DMD: variants seen among roughly 807,000 people sequenced by gnomAD.
DMD encodes mutant dystrophin.
Under a neutral mutation model 330.1 loss-of-function variants are expected in DMD, and 63 were observed. The observed-to-expected ratio is 0.19, with a 90% CI of 0.16 to 0.24. The LOEUF (loss-of-function observed/expected upper bound fraction) is 0.24. Ranked by LOEUF, DMD falls within the 10% of genes least tolerant of loss-of-function variation. The probability of loss-of-function intolerance (pLI) is 1.00; values close to 1 mark genes in which losing one functional copy is unlikely to be tolerated. For synonymous variants in DMD, 1,223 were observed against 959.8 expected, an observed-to-expected ratio of 1.27 and a Z score of -5.07; for missense variants, 3,344 against 2,684.1, an observed-to-expected ratio of 1.25 and a Z score of -5.43.
intron 39 of DMD, among the ~76,000 whole-genome samples, chrX:32,345,462 C>T (rs1603631305): frequency 1.8e-5 from 2 of 110,943 alleles, no homozygotes; most frequent in East Asian, 5.7e-4. Context: ...CAAAGAGTGA[C>T]TTTCTTAAAG....
At chrX:32,638,977 C>A (rs923493862) in intron 11 of DMD, among the ~76,000 whole-genome samples, 1 of 111,545 alleles carries the variant, frequency 9.0e-6, no homozygotes, top group Admixed American at 9.5e-5. Context: ...CAATTATTTT[C>A]CATATTATGG....
rs184276003 is a variant in DMD, at chrX:33,336,827, C to T, written c.7+2432G>A. ...AAGCAATTGGGATTTGAAGACTTCA[C>T]GTGGTCTCATCACTCTGCAGGCTGA... On this transcript the variant is annotated intron_variant, in intron 1 of 17. Transcript: ENST00000288447. 3.6e-5 allele frequency among the ~76,000 whole-genome samples: 4 copies of T among 111,621 alleles called. No individual in the cohort carries two copies. The East Asian group carries it at 8.5e-4, about 24-fold the overall frequency.
At chrX:32,238,476 A>G (rs2097196380) in intron 43 of DMD, among the ~76,000 whole-genome samples, 1 of 110,201 alleles carries the variant, frequency 9.1e-6, no homozygotes, top group Admixed American at 9.8e-5. Context: ...AGAGAGAGAA[A>G]GAGAGACACA....
rs1302015325 is a variant in DMD at position 31,214,930 on chromosome X, C to CT, written c.9362-5232dup. Among the ~76,000 whole-genome samples, 231 of 46,104 alleles carry CT rather than the reference C, an allele frequency of 5.0e-3. 7 individuals are homozygous for CT. The highest frequency in any genetic ancestry group is 6.9e-3 in the African/African-American group (83 of 12,116). The allele number at this position is 46,104 out of a possible 115,157, so 40.0% of individuals were successfully genotyped here. The stretch of plus-strand genomic sequence containing the variant: ...AACCACCAAAGATACTTTTTTATTT[C>CT]TTTTTTCTTTTTTTTTTTTTTTTTT... On this transcript the variant is annotated intron_variant, in intron 64 of 78. Transcript: ENST00000357033.
intron 9 of DMD, among the ~76,000 whole-genome samples, chrX:32,664,273 G>T (rs1055881831): frequency 4.4e-5 from 4 of 90,675 alleles, no homozygotes; most frequent in South Asian, 5.9e-4. Flanking sequence ...ATGGAGTCTC[G>T]CTCTGTCACC....
At chrX:32,471,481 T>A (rs1196219151) in intron 22 of DMD, among the ~76,000 whole-genome samples, 1 of 111,937 alleles carries the variant, frequency 8.9e-6, no homozygotes, top group Non-Finnish European at 1.9e-5. Context: ...ATTTGTGGAT[T>A]CTGAATGAGT....
At chrX:32,298,514 C>CATATATATATATATATATATAT (rs57786574) in intron 42 of DMD, among the ~76,000 whole-genome samples, 32 of 104,492 alleles carry the variant, frequency 3.1e-4, no homozygotes, top group African/African-American at 1.2e-3. Flanking sequence ...ATATAAAAGG[C>CATATATATATATATATATATAT]ATATATATAT....
intron 51 of DMD, among the ~76,000 whole-genome samples, chrX:31,748,638 A>G (rs1438956169): frequency 3.6e-5 from 4 of 111,863 alleles, no homozygotes; most frequent in Non-Finnish European, 5.6e-5. Context: ...TGCTTTTCCT[A>G]TGTGCTAGAT....
At chrX:32,385,472 C>G (rs1261769395) in intron 33 of DMD, among the ~76,000 whole-genome samples, 1 of 110,736 alleles carries the variant, frequency 9.0e-6, no homozygotes, top group Non-Finnish European at 1.9e-5. Flanking sequence ...AGCTTCCTGA[C>G]ATTGTTCTGG....
intron 50 of DMD, among the ~76,000 whole-genome samples, chrX:31,805,934 TCC>T (rs1316428909): frequency 8.9e-6 from 1 of 112,340 alleles, no homozygotes; most frequent in Non-Finnish European, 1.9e-5. Context: ...GTGGGCCAAA[TCC>T]AACCAACTGC....
intron 55 of DMD, among the ~76,000 whole-genome samples, chrX:31,611,132 T>C (rs1387770755): frequency 9.2e-6 from 1 of 108,918 alleles, no homozygotes. Flanking sequence ...AAGCAAAACA[T>C]CTGGTCTAGT....
At chrX:31,251,789 ACT>A (rs966279169) in intron 63 of DMD, among the ~76,000 whole-genome samples, 10 of 112,181 alleles carry the variant, frequency 8.9e-5, no homozygotes, top group African/African-American at 3.2e-4. Context: ...AGATGCCTTT[ACT>A]CTGTGTGCAA....
Position 33,272,969 on chromosome X carries a change from C to A in DMD, c.7+66290G>T, listed in dbSNP as rs374639901. Among the ~76,000 whole-genome samples the A allele has an allele frequency of 3.3e-4, 37 of 111,988 alleles. 1 individual carries two copies. In the East Asian group the frequency reaches 4.8e-3, roughly 14 times the overall value. On this transcript the variant is annotated intron_variant, in intron 1 of 17. Transcript: ENST00000288447. ...AGGGTAAAAATAGTCTTGTTTACCACTGTATTTCCAACACATAGCGTGGTA... is the reference window on the plus strand; with the variant it reads ...AGGGTAAAAATAGTCTTGTTTACCAATGTATTTCCAACACATAGCGTGGTA...
chrX:31,773,595 G>A (rs905071057), intron 51 of DMD, among the ~76,000 whole-genome samples: 15 of 111,155 alleles, frequency 1.3e-4, no homozygotes, highest in Non-Finnish European at 2.6e-4. Flanking sequence ...GTTGGGCTGC[G>A]TAGTGCCAAA....
At chrX:31,866,174 A>T (rs1244234919) in intron 48 of DMD, among the ~76,000 whole-genome samples, 1 of 111,043 alleles carries the variant, frequency 9.0e-6, no homozygotes, top group Non-Finnish European at 1.9e-5. Context: ...TAAATCCTTC[A>T]GCATATTCCT....
chrX:32,952,922 G>T (rs2091334349), intron 2 of DMD, among the ~76,000 whole-genome samples: 1 of 109,929 alleles, frequency 9.1e-6, no homozygotes, highest in South Asian at 3.9e-4. Flanking sequence ...ATCACTTGAG[G>T]TCAGGAGTTC....
chrX:31,508,350 G>A, intron 55 of DMD: 1 of 929,203 alleles, frequency 1.1e-6, no homozygotes, highest in Non-Finnish European at 1.5e-6. Flanking sequence ...ACATTCTGTT[G>A]ACAGAATGAA....
chrX:33,057,632 C>T (rs1386554209), intron 1 of DMD, among the ~76,000 whole-genome samples: 1 of 111,363 alleles, frequency 9.0e-6, no homozygotes, highest in Non-Finnish European at 1.9e-5. Flanking sequence ...CTGTAAGTCT[C>T]CTTCATGCTC....
chrX:31,751,116 T>C (rs1280035097), intron 51 of DMD, among the ~76,000 whole-genome samples: 1 of 107,471 alleles, frequency 9.3e-6, no homozygotes, highest in Non-Finnish European at 1.9e-5. Flanking sequence ...AAGCTACCAA[T>C]GACTTTCTTC....
Sources: allele counts gnomAD v4.1 joint callset (sites outside exome capture counted in the v4.1 genomes callset), GRCh38; gene constraint gnomAD v4.1.1; transcripts MANE v1.5; gene names NCBI Gene and HGNC (gene_info 2026-07-23, HGNC 2026-07-21).